NAV2: variants seen among roughly 807,000 people sequenced by gnomAD.
NAV2 encodes the protein helicase, APC down-regulated 1.
In NAV2, 54 loss-of-function variants were observed where a neutral mutation model predicts 223.2. That is an observed-to-expected ratio of 0.24 (90% CI 0.19 to 0.30). The LOEUF is 0.30. Ranked by LOEUF, NAV2 falls within the 10% of genes least tolerant of loss-of-function variation. NAV2 has a pLI of 1.00. For missense variants in NAV2, 2,806 were observed against 3,147.5 expected, an observed-to-expected ratio of 0.89 and a Z score of 2.60; for synonymous variants, 1,279 against 1,239.3, an observed-to-expected ratio of 1.03 and a Z score of -0.67.
At chr11:19,738,023 G>T (rs921115653) in intron 1 of NAV2, among the ~76,000 whole-genome samples, 2 of 152,234 alleles carry the variant, frequency 1.3e-5, no homozygotes, top group African/African-American at 2.4e-5. Flanking sequence ...AGATGTGAGT[G>T]TATAATGTAC....
chr11:19,495,172 T>G (rs1455795763), intron 1 of NAV2, among the ~76,000 whole-genome samples: 2 of 152,114 alleles, frequency 1.3e-5, no homozygotes, highest in South Asian at 4.2e-4. Flanking sequence ...GACAGCTGAG[T>G]TCCCTTGGAA....
At chr11:20,105,503 C>T in intron 34 of NAV2, 28 bp from the exon 35 acceptor site, 1 of 1,592,912 alleles carries the variant, frequency 6.3e-7, no homozygotes, top group Non-Finnish European at 8.6e-7. Flanking sequence ...CCATCATCAG[C>T]TTGAAAAGTG....
chr11:19,469,672 G>A (rs566627657), intron 1 of NAV2, among the ~76,000 whole-genome samples: 11 of 152,196 alleles, frequency 7.2e-5, no homozygotes, highest in East Asian at 1.9e-4. Context: ...ATTTGAAAGC[G>A]CAGGCAAAAA....
chr11:20,105,558 G>A lies in NAV2; in HGVS notation c.6672G>A (p.Glu2224=), dbSNP rs776080433. The A allele has an allele frequency of 3.1e-6, 5 of 1,613,992 alleles. No homozygotes were observed. Among genetic ancestry groups the A allele is most frequent in the Non-Finnish European group, 4.2e-6 (5 of 1,179,946 alleles). Residue 2224 remains glutamate, a synonymous_variant, in exon 35 of 38, where the codon GAG becomes GAA. Coordinates refer to ENST00000349880, the MANE Select transcript of NAV2 (RefSeq NM_145117.5). ...FRWVLCANHT[E]PVKGFLGRFL... is the part of the protein sequence containing the mutation. ...GGGTGCTTTGTGCCAACCACACGGA[G>A]CCTGTGAAGGGTTTCCTTGGCCGAT...
intron 11 of NAV2, among the ~76,000 whole-genome samples, chr11:20,016,733 C>T (rs990733725): frequency 2.6e-5 from 4 of 152,034 alleles, no homozygotes; most frequent in African/African-American, 9.7e-5. Flanking sequence ...CAGTGACTCA[C>T]GCCTGTAATT....
At chr11:19,953,008 A>G (rs1253221173) in intron 10 of NAV2, among the ~76,000 whole-genome samples, 1 of 152,182 alleles carries the variant, frequency 6.6e-6, no homozygotes, top group Non-Finnish European at 1.5e-5. Flanking sequence ...AAAATAACAG[A>G]TGAAATTTCT....
intron 1 of NAV2, among the ~76,000 whole-genome samples, chr11:19,593,290 CATA>C (rs1301569389): frequency 6.6e-6 from 1 of 152,180 alleles, no homozygotes; most frequent in Non-Finnish European, 1.5e-5. Context: ...TCCCACTCAG[CATA>C]ATGTCTTTGA....
intron 1 of NAV2, among the ~76,000 whole-genome samples, chr11:19,427,002 C>T (rs570049861): frequency 6.6e-4 from 100 of 152,282 alleles, no homozygotes; most frequent in African/African-American, 2.2e-3. Context: ...CAAATTAAAT[C>T]CCTGGCATGG....
chr11:19,960,272 A>C (rs2048242122), intron 10 of NAV2, among the ~76,000 whole-genome samples: 1 of 152,118 alleles, frequency 6.6e-6, no homozygotes, highest in Admixed American at 6.5e-5. Context: ...GTACAGGAAA[A>C]ACATATTCCA....
chr11:19,723,722 G>T (rs1160839277), intron 1 of NAV2, among the ~76,000 whole-genome samples: 3 of 152,206 alleles, frequency 2.0e-5, no homozygotes, highest in Non-Finnish European at 1.5e-5. Flanking sequence ...TGTGGCTGCT[G>T]TCCCCCAGGT....
chr11:19,749,657 G>A (rs1265059576), intron 1 of NAV2, among the ~76,000 whole-genome samples: 1 of 152,158 alleles, frequency 6.6e-6, no homozygotes, highest in Non-Finnish European at 1.5e-5. Flanking sequence ...TGACTTAGAA[G>A]GGCTGTGAAT....
chr11:20,106,220 T>TATGC (rs2062084019), intron 35 of NAV2, among the ~76,000 whole-genome samples: 1 of 108,924 alleles, frequency 9.2e-6, no homozygotes, highest in African/African-American at 3.3e-5. Context: ...TATATATATA[T>TATGC]ATATATATAT....
chr11:19,508,737 T>A (rs2043193608), intron 1 of NAV2, among the ~76,000 whole-genome samples: 1 of 152,244 alleles, frequency 6.6e-6, no homozygotes, highest in Non-Finnish European at 1.5e-5. Context: ...TTTATCTCTC[T>A]CAATAAATGT....
intron 1 of NAV2, chr11:19,511,453 AGTTTTCTGGG>A (rs2134233425): frequency 6.6e-6 from 1 of 152,278 alleles, no homozygotes; most frequent in East Asian, 1.9e-4. Flanking sequence ...ATGAATACAG[AGTTTTCTGGG>A]GTCAGGGGTG....
intron 1 of NAV2, among the ~76,000 whole-genome samples, chr11:19,591,700 C>A (rs1023912097): frequency 5.9e-5 from 9 of 152,152 alleles, no homozygotes; most frequent in Non-Finnish European, 1.0e-4. Flanking sequence ...TTGTGGGACC[C>A]TATAACCCAC....
intron 24 of NAV2, 66 bp downstream of exon 24, chr11:20,078,170 C>A: frequency 9.2e-7 from 1 of 1,086,928 alleles, no homozygotes; most frequent in Non-Finnish European, 1.4e-6. Flanking sequence ...CCCCTGACAT[C>A]ATATGATGCA....
intron 25 of NAV2, among the ~76,000 whole-genome samples, chr11:20,080,423 T>C (rs190977900): frequency 3.7e-4 from 56 of 152,354 alleles, no homozygotes; most frequent in Middle Eastern, 3.4e-3. Context: ...TACCACTTTG[T>C]ATTTTTTTCT....
chr11:19,380,520 G>A (rs542290805), intron 1 of NAV2: 5 of 152,328 alleles, frequency 3.3e-5, no homozygotes, highest in Admixed American at 6.5e-5. Flanking sequence ...TCCCATCTCC[G>A]GGGATCTTCC....
intron 1 of NAV2, among the ~76,000 whole-genome samples, chr11:19,356,832 T>G (rs527941165): frequency 5.9e-5 from 9 of 152,328 alleles, no homozygotes; most frequent in Non-Finnish European, 1.3e-4. Context: ...ATTTTTTATT[T>G]TGGCTTAATT....
Sources: gnomAD v4.1 joint callset for allele counts (sites outside exome capture counted in the v4.1 genomes callset) on GRCh38, gnomAD v4.1.1 for gene constraint, MANE v1.5 for transcripts, NCBI Gene and HGNC (gene_info 2026-07-23, HGNC 2026-07-21) for gene names.